MAP2K2: variants seen among roughly 807,000 people sequenced by gnomAD.
MAP2K2 encodes mitogen-activated protein kinase kinase 2.
A neutral mutation model predicts 43.7 loss-of-function variants in MAP2K2; 24 were observed. The ratio of observed to expected loss-of-function variants is 0.55; its 90% CI spans 0.40 to 0.77. The LOEUF is 0.77. Ranked by LOEUF, MAP2K2 falls within the 30% of genes least tolerant of loss-of-function variation. The pLI is 0.00. For missense variants in MAP2K2, 470 were observed against 566.8 expected, an observed-to-expected ratio of 0.83 and a Z score of 1.73; for synonymous variants, 244 against 239.7, an observed-to-expected ratio of 1.02 and a Z score of -0.17.
chr19:4,093,828 G>A (rs888358267), intron 10 of MAP2K2, among the ~76,000 whole-genome samples: 3 of 152,134 alleles, frequency 2.0e-5, no homozygotes, highest in South Asian at 2.1e-4. Flanking sequence ...TCTCCAATCC[G>A]CCAATCAGCT....
intron 1 of MAP2K2, among the ~76,000 whole-genome samples, chr19:4,121,729 C>T (rs576323825): frequency 1.4e-3 from 183 of 127,958 alleles, no homozygotes; most frequent in African/African-American, 5.3e-3. Flanking sequence ...ATCTGGAACC[C>T]GCTAGAACTC....
rs1160096118 is a variant in MAP2K2 at position 4,115,606 on chromosome 19, A to T, written c.303+1813T>A. 6.6e-6 allele frequency among the ~76,000 whole-genome samples: 1 copy of T among 152,210 alleles called. No homozygotes were observed. The highest frequency in any genetic ancestry group is 1.5e-5 in the Non-Finnish European group (1 of 68,024). On this transcript the variant is annotated intron_variant, in intron 2 of 10. Transcript: ENST00000262948. The surrounding 1 kb of genome is among the most constrained non-coding windows in gnomAD (Gnocchi z 4.1). The stretch of plus-strand genomic sequence containing the variant: ...CTGCAGTACGGGGACAGAAATAGCA[A>T]GTCCGCGGCTGCACACTTCAGGAGG...
chr19:4,118,593 CAAAAAACAA>C (rs905812133), intron 1 of MAP2K2, among the ~76,000 whole-genome samples: 18 of 151,568 alleles, frequency 1.2e-4, no homozygotes, highest in Admixed American at 6.6e-4. Context: ...CAAAACAAAC[CAAAAAACAA>C]AAAAAACAAA....
Position 4,099,265 on chromosome 19 carries a change from G to T in MAP2K2, c.855C>A (p.Asp285Glu). The T allele has an allele frequency of 6.2e-7, 1 of 1,605,472 alleles. No homozygotes were observed. The change falls in exon 7 of 11, where the codon GAC (aspartate) becomes GAA (glutamate). Residue 285 changes from aspartate (D) to glutamate (E), a missense_variant. Asp to Glu is a conservative substitution (Grantham distance 45). Coordinates refer to ENST00000262948, the MANE Select transcript of MAP2K2 (RefSeq NM_030662.4). ...TGCTGTGAGGCTCTCCTTCTTCCCC[G>T]TCGACCACGGGCCGGCCAAAGATGG... is the stretch of plus-strand genomic sequence containing the variant. ...LEAIFGRPVV[D>E]GEEGEPHSIS...
chr19:4,094,602 G>T, intron 9 of MAP2K2, 104 bp from the exon 10 acceptor site: 1 of 1,089,120 alleles, frequency 9.2e-7, no homozygotes, highest in South Asian at 1.3e-5. Context: ...GTCGGAGGGG[G>T]CCTGGATCTC....
chr19:4,097,222 A>AAG (rs2040931128), intron 8 of MAP2K2, 57 bp downstream of exon 8: 1 of 1,240,692 alleles, frequency 8.1e-7, no homozygotes, highest in Non-Finnish European at 1.1e-6. Flanking sequence ...AAAAAAAAAA[A>AAG]AAAAAAGAAA....
rs1599277985 is a variant in MAP2K2, at chr19:4,090,682, C to T, written c.1119G>A (p.Glu373=). The T allele has an allele frequency of 6.4e-7, 1 of 1,559,014 alleles. No individual in the cohort carries two copies. The highest frequency in any genetic ancestry group is 8.7e-7 in the Non-Finnish European group (1 of 1,151,190). The change falls in exon 11 of 11, where the codon GAG becomes GAA. Residue 373 remains glutamate, a synonymous_variant. Coordinates refer to ENST00000262948, the MANE Select transcript of MAP2K2 (RefSeq NM_030662.4). ...AGCCGGCAAAATCCACTTCTTCCAC[C>T]TCGGACCGCTTGATGAAGGTGTGGT... ...LTNHTFIKRS[E]VEEVDFAGWL...
At chr19:4,123,749 C>A in intron 1 of MAP2K2, 35 bp downstream of exon 1, 1 of 1,492,340 alleles carries the variant, frequency 6.7e-7, no homozygotes, top group South Asian at 1.2e-5. Flanking sequence ...CTGCCCCGTG[C>A]ACCCCAAGCC....
intron 10 of MAP2K2, 152 bp downstream of exon 10, chr19:4,094,301 G>C (rs1414626819): frequency 1.3e-6 from 1 of 773,064 alleles, no homozygotes; most frequent in Admixed American, 2.1e-5. Context: ...ACCCACAGAG[G>C]GTCCTCGGCG....
chr19:4,102,253 C>A, intron 4 of MAP2K2, 123 bp downstream of exon 4: 1 of 848,072 alleles, frequency 1.2e-6, no homozygotes, highest in Non-Finnish European at 1.9e-6. Context: ...CTTGGCCACT[C>A]TCTTTCTGCA....
At chr19:4,121,489 C>T (rs1368747533) in intron 1 of MAP2K2, among the ~76,000 whole-genome samples, 1 of 151,244 alleles carries the variant, frequency 6.6e-6, no homozygotes, top group African/African-American at 2.4e-5. Context: ...ATCTTGACCT[C>T]CCTGGGACCC....
chr19:4,095,592 G>A, intron 8 of MAP2K2, 143 bp from the exon 9 acceptor site: 1 of 615,434 alleles, frequency 1.6e-6, no homozygotes, highest in Non-Finnish European at 2.9e-6. Context: ...GCTGCACCCT[G>A]TCAGAGGTGG....
At chr19:4,121,660 T>G (rs1185838279) in intron 1 of MAP2K2, among the ~76,000 whole-genome samples, 1 of 85,730 alleles carries the variant, frequency 1.2e-5, no homozygotes, top group Non-Finnish European at 2.2e-5. Context: ...CCCCACAACA[T>G]GAACCCCCTG....
intron 8 of MAP2K2, 59 bp downstream of exon 8, chr19:4,097,220 A>AAG: frequency 8.2e-7 from 1 of 1,214,446 alleles, no homozygotes; most frequent in Non-Finnish European, 1.1e-6. Flanking sequence ...AAAAAAAAAA[A>AAG]AAAAAAAAGA....
chr19:4,093,951 TC>T (rs2040878869), intron 10 of MAP2K2, among the ~76,000 whole-genome samples: 1 of 151,768 alleles, frequency 6.6e-6, no homozygotes, highest in African/African-American at 2.4e-5. Flanking sequence ...GAGGGTGTAG[TC>T]CCCGCTGGGG....
intron 9 of MAP2K2, 25 bp from the exon 10 acceptor site, chr19:4,094,523 G>T: frequency 6.4e-7 from 1 of 1,559,366 alleles, no homozygotes; most frequent in African/African-American, 1.4e-5. Flanking sequence ...AGGCAGGACC[G>T]GGAGGCGGTG....
At chr19:4,119,484 AG>A (rs1402275943) in intron 1 of MAP2K2, among the ~76,000 whole-genome samples, 1 of 152,198 alleles carries the variant, frequency 6.6e-6, no homozygotes, top group Non-Finnish European at 1.5e-5. Flanking sequence ...GGCCTCCCAA[AG>A]TGCTGGGATT....
Position 4,090,631 on chromosome 19 carries a change from G to C in MAP2K2, c.1170C>G (p.Asn390Lys), listed in dbSNP as rs1254414731. Residue 390 changes from asparagine to lysine, a missense_variant, in exon 11 of 11, where the codon AAC becomes AAG. Coordinates refer to ENST00000262948, the MANE Select transcript of MAP2K2 (RefSeq NM_030662.4). The stretch of plus-strand genomic sequence containing the variant: ...CGGTGCGCGTGGGTGTGCCGGGCTG[G>C]TTCAGCCGCAGGGTTTTACACAACC... Reference protein sequence around the residue: ...AGWLCKTLRLNQPGTPTRTAV With the variant: ...AGWLCKTLRLKQPGTPTRTAV The C allele has an allele frequency of 2.6e-6, 4 of 1,554,496 alleles. No homozygotes were observed. Among genetic ancestry groups the C allele is most frequent in the Non-Finnish European group, 3.5e-6 (4 of 1,149,148 alleles).
rs747864035 is a variant in MAP2K2, at chr19:4,123,790, G to T, written c.86C>A (p.Ala29Asp). The T allele has an allele frequency of 3.9e-6, 6 of 1,558,084 alleles. No homozygotes were observed. The South Asian group carries it at 4.7e-5, about 12-fold the overall frequency. ...CTGACCCCTGCCCACTCACTCGGAGGCGCCCTCGCTGGTAGGGGATGGGCC... is the reference window on the plus strand; with the variant it reads ...CTGACCCCTGCCCACTCACTCGGAGTCGCCCTCGCTGGTAGGGGATGGGCC... ...AEGPSPTSEG[A>D]SEANLVDLQK... is the part of the protein sequence containing the mutation. The change falls in exon 1 of 11, where the codon GCC becomes GAC. Residue 29 changes from alanine to aspartate, a missense_variant. By Grantham distance (126) the Ala-to-Asp change is moderately radical. Transcript: ENST00000262948.
Sources: gnomAD v4.1 joint callset for allele counts (sites outside exome capture counted in the v4.1 genomes callset) on GRCh38, gnomAD v4.1.1 for gene constraint, Gnocchi (gnomAD v3.1) non-coding constraint, MANE v1.5 for transcripts, NCBI Gene and HGNC (gene_info 2026-07-23, HGNC 2026-07-21) for gene names.